Variants in CAMKMT observed in about 807,000 individuals in gnomAD.
CAMKMT encodes calmodulin-lysine N-methyltransferase.
CAMKMT carries 53 observed loss-of-function variants against 48.0 expected under a neutral mutation model. That is an observed-to-expected ratio of 1.10 (90% CI 0.89 to 1.39). CAMKMT has a LOEUF of 1.39. CAMKMT is among the 40% of genes most tolerant of loss of function. The pLI is 0.00. For synonymous variants in CAMKMT, 165 were observed against 152.3 expected (o/e 1.08, Z -0.61); for missense variants, 428 against 402.7 (o/e 1.06, Z -0.54).
intron 3 of CAMKMT, among the ~76,000 whole-genome samples, chr2:44,621,910 T>C (rs1039873259): frequency 5.3e-5 from 8 of 152,202 alleles, no homozygotes; most frequent in Admixed American, 2.0e-4. Flanking sequence ...GATAGTCATT[T>C]GGATTGTGGT....
chr2:44,625,875 A>G (rs747145917), intron 3 of CAMKMT, among the ~76,000 whole-genome samples: 36 of 152,052 alleles, frequency 2.4e-4, no homozygotes, highest in Admixed American at 1.1e-3. Context: ...CTGTATGTCT[A>G]CCATTATGCC....
At chr2:44,463,100 C>A (rs1394788635) in intron 3 of CAMKMT, among the ~76,000 whole-genome samples, 2 of 152,238 alleles carry the variant, frequency 1.3e-5, no homozygotes, top group East Asian at 3.8e-4. Context: ...GTAGTACTTA[C>A]AGCCATTCTT....
chr2:44,370,301 G>T (rs1160203178), intron 1 of CAMKMT, among the ~76,000 whole-genome samples: 5 of 152,148 alleles, frequency 3.3e-5, no homozygotes, highest in Non-Finnish European at 7.4e-5. Flanking sequence ...AGCAATCTGG[G>T]CCTGGAGTTT....
intron 3 of CAMKMT, among the ~76,000 whole-genome samples, chr2:44,451,509 A>G (rs1067399): frequency 0.54 from 82,457 of 151,700 alleles, 24,840 homozygotes; most frequent in Non-Finnish European, 0.67. Context: ...TATAGAATTA[A>G]TTTAGATTCA....
intron 2 of CAMKMT, among the ~76,000 whole-genome samples, chr2:44,373,130 C>G (rs1679345188): frequency 6.6e-6 from 1 of 152,102 alleles, no homozygotes; most frequent in Non-Finnish European, 1.5e-5. Flanking sequence ...GGTTGCAAAT[C>G]AAAGGGTTCA....
chr2:44,620,011 A>C (rs1191785800), intron 3 of CAMKMT, among the ~76,000 whole-genome samples: 2 of 152,144 alleles, frequency 1.3e-5, no homozygotes, highest in South Asian at 4.2e-4. Flanking sequence ...CTTCTTTTAT[A>C]TTATTTTGAA....
chr2:44,503,979 G>A (rs1482761261), intron 3 of CAMKMT, among the ~76,000 whole-genome samples: 1 of 128,110 alleles, frequency 7.8e-6, no homozygotes, highest in East Asian at 2.2e-4. Flanking sequence ...GGGAAGAGCG[G>A]GTGGGGAGAG....
At chr2:44,759,691 A>G (rs1680531905) in intron 9 of CAMKMT, among the ~76,000 whole-genome samples, 2 of 152,082 alleles carry the variant, frequency 1.3e-5, no homozygotes, top group Admixed American at 6.5e-5. Flanking sequence ...TAGCTTATAG[A>G]GAGTCCTCAG....
chr2:44,525,089 ATAG>A (rs1671334302), intron 3 of CAMKMT, among the ~76,000 whole-genome samples: 1 of 152,182 alleles, frequency 6.6e-6, no homozygotes, highest in Non-Finnish European at 1.5e-5. Context: ...GTTAGTAGTT[ATAG>A]TAGTAGTAAT....
intron 1 of CAMKMT, among the ~76,000 whole-genome samples, chr2:44,370,969 T>C (rs1362272474): frequency 6.6e-6 from 1 of 151,928 alleles, no homozygotes; most frequent in African/African-American, 2.4e-5. Flanking sequence ...CACCACCACA[T>C]CCTACTAATT....
rs976230525 is a variant in CAMKMT at position 44,400,936 on chromosome 2, A to G, written c.376+10631A>G. The G allele has an allele frequency of 1.3e-4, 12 of 94,532 alleles. No homozygotes were observed. The East Asian group carries it at 1.9e-3, about 15-fold the overall frequency. 5.9% of individuals were successfully genotyped at this position (94,532 alleles called of 1,614,324 possible). A position where few individuals can be genotyped will look rare whatever the true frequency, so the allele number is the denominator to read the frequency against. On this transcript the variant is annotated intron_variant, in intron 3 of 10. Transcript: ENST00000378494. ...CATGTATACTTATGTGTGTGTATAT[A>G]TATATATATATATATATATATATAT...
At chr2:44,728,824 G>A (rs1678926962) in intron 7 of CAMKMT, among the ~76,000 whole-genome samples, 1 of 139,560 alleles carries the variant, frequency 7.2e-6, no homozygotes, top group Admixed American at 7.1e-5. Flanking sequence ...TGTTAAGATA[G>A]CTAGGGGGTC....
At chr2:44,406,923 A>G (rs1682821543) in intron 3 of CAMKMT, among the ~76,000 whole-genome samples, 1 of 152,136 alleles carries the variant, frequency 6.6e-6, no homozygotes, top group Non-Finnish European at 1.5e-5. Context: ...ATTTTTTTAT[A>G]TCTATGCTAT....
intron 3 of CAMKMT, chr2:44,549,523 T>C: frequency 1.4e-6 from 1 of 693,988 alleles, no homozygotes; most frequent in East Asian, 2.7e-5. Context: ...CAACCTAAAA[T>C]GTATATATAA....
chr2:44,651,040 C>T (rs756649221), intron 3 of CAMKMT, among the ~76,000 whole-genome samples: 7 of 152,166 alleles, frequency 4.6e-5, no homozygotes, highest in Non-Finnish European at 1.0e-4. Flanking sequence ...TTTAAAAGTG[C>T]AGTTTAAAGT....
At position 44,425,170 on chromosome 2, in the gene CAMKMT, A is replaced by G. The variant is rs563302715; in HGVS notation, c.376+34865A>G. ...AATAATAAAATAATTAAAAATAAACATAAAGAATAATGAAAAATAAAGCTA... is the reference window on the plus strand; with the variant it reads ...AATAATAAAATAATTAAAAATAAACGTAAAGAATAATGAAAAATAAAGCTA... On this transcript the variant is annotated intron_variant, in intron 3 of 10. Transcript: ENST00000378494. Among the ~76,000 whole-genome samples, 36 of 152,326 alleles carry G rather than the reference A, an allele frequency of 2.4e-4. No individual in the cohort carries two copies. The South Asian group carries it at 6.8e-3, about 29-fold the overall frequency.
chr2:44,395,956 A>T (rs554621002), intron 3 of CAMKMT, among the ~76,000 whole-genome samples: 6 of 152,146 alleles, frequency 3.9e-5, no homozygotes, highest in Admixed American at 3.9e-4. Context: ...TTTAGAATAA[A>T]GTGTTCACAA....
intron 6 of CAMKMT, among the ~76,000 whole-genome samples, chr2:44,710,279 A>G (rs530813567): frequency 2.0e-5 from 3 of 152,238 alleles, no homozygotes; most frequent in Non-Finnish European, 4.4e-5. Context: ...TGGATTGCCT[A>G]TGTCTTCTTG....
intron 3 of CAMKMT, among the ~76,000 whole-genome samples, chr2:44,600,360 G>A (rs1220585763): frequency 6.6e-6 from 1 of 151,684 alleles, no homozygotes; most frequent in East Asian, 1.9e-4. Flanking sequence ...TCAAACTCCT[G>A]GGCTCAGGTG....
Sources: allele counts gnomAD v4.1 joint callset (sites outside exome capture counted in the v4.1 genomes callset), GRCh38; gene constraint gnomAD v4.1.1; transcripts MANE v1.5; gene names NCBI Gene and HGNC (gene_info 2026-07-23, HGNC 2026-07-21).